Variants in COL23A1 observed in about 807,000 individuals in gnomAD.
The protein encoded by COL23A1 is collagen alpha-1(XXIII) chain.
A neutral mutation model predicts 99.3 loss-of-function variants in COL23A1; 97 were observed. That is an observed-to-expected ratio of 0.98 (90% CI 0.83 to 1.16). The LOEUF (loss-of-function observed/expected upper bound fraction) is 1.16. COL23A1 is among the 50% of genes most tolerant of loss of function. The probability of loss-of-function intolerance (pLI) is 0.00; values close to 1 mark genes in which losing one functional copy is unlikely to be tolerated. For missense variants in COL23A1, 762 were observed against 757.4 expected, an observed-to-expected ratio of 1.01 and a Z score of -0.07; for synonymous variants, 320 against 308.2, an observed-to-expected ratio of 1.04 and a Z score of -0.40.
rs1254697068 is a variant in COL23A1 at position 178,546,176 on chromosome 5, AG to A, written c.361+14505del. Among the ~76,000 whole-genome samples, 3 of 152,230 alleles carry A rather than the reference AG, an allele frequency of 2.0e-5. No individual in the cohort carries two copies. In the East Asian group the frequency reaches 5.8e-4, roughly 30 times the overall value. ...ACTCTATCTCCCCTCCACCTCAAAC[AG>A]AGCCATGCACACATGAAATATGGGG... On this transcript the variant is annotated intron_variant, in intron 2 of 28. Coordinates refer to ENST00000390654, the MANE Select transcript of COL23A1 (RefSeq NM_173465.4).
intron 1 of COL23A1, among the ~76,000 whole-genome samples, chr5:178,572,730 C>T (rs1285038317): frequency 1.3e-5 from 2 of 152,184 alleles, no homozygotes; most frequent in Non-Finnish European, 2.9e-5. Context: ...CACGTGAATA[C>T]CCATAGCAGC....
chr5:178,521,279 C>A (rs557448928), intron 2 of COL23A1, among the ~76,000 whole-genome samples: 1 of 152,150 alleles, frequency 6.6e-6, no homozygotes, highest in East Asian at 1.9e-4. Context: ...GCTGGCCGGG[C>A]GCGGTGGCTC....
chr5:178,268,954 T>G (rs1378267777), intron 6 of COL23A1, among the ~76,000 whole-genome samples, 198 bp from the exon 7 acceptor site: 1 of 152,092 alleles, frequency 6.6e-6, no homozygotes, highest in African/African-American at 2.4e-5. Context: ...GTCCTCAGCA[T>G]GAGGGATACG....
intron 1 of COL23A1, among the ~76,000 whole-genome samples, chr5:178,588,973 G>C (rs1001125706): frequency 2.0e-5 from 3 of 152,170 alleles, no homozygotes; most frequent in African/African-American, 7.2e-5. Context: ...AGGAAGGCTC[G>C]GCAGGGGAGG....
intron 2 of COL23A1, among the ~76,000 whole-genome samples, chr5:178,467,996 A>T (rs1285414957): frequency 6.6e-6 from 1 of 152,132 alleles, no homozygotes; most frequent in Non-Finnish European, 1.5e-5. Flanking sequence ...AAGGAACTGG[A>T]AGGCGGCGAT....
At chr5:178,543,539 T>C (rs1344002078) in intron 2 of COL23A1, among the ~76,000 whole-genome samples, 1 of 152,184 alleles carries the variant, frequency 6.6e-6, no homozygotes, top group Non-Finnish European at 1.5e-5. Flanking sequence ...CCACTCCTAA[T>C]AGTCCTAAAC....
chr5:178,536,629 C>T (rs908826141), intron 2 of COL23A1, among the ~76,000 whole-genome samples: 4 of 152,220 alleles, frequency 2.6e-5, no homozygotes, highest in African/African-American at 9.6e-5. Context: ...AGGCCCACAG[C>T]ACTGAGTCCC....
At chr5:178,293,389 G>A (rs1004297787) in intron 3 of COL23A1, among the ~76,000 whole-genome samples, 1 of 152,162 alleles carries the variant, frequency 6.6e-6, no homozygotes, top group Non-Finnish European at 1.5e-5. Flanking sequence ...ATGGAGGTGG[G>A]AGTTCGGGCA....
intron 3 of COL23A1, among the ~76,000 whole-genome samples, chr5:178,305,362 AAG>A (rs780162420): frequency 6.6e-6 from 1 of 151,508 alleles, no homozygotes; most frequent in African/African-American, 2.4e-5. Flanking sequence ...CTCCAGGGAG[AAG>A]AGTCTGAGGC....
At chr5:178,462,243 C>G (rs540278768) in intron 2 of COL23A1, among the ~76,000 whole-genome samples, 44 of 152,280 alleles carry the variant, frequency 2.9e-4, no homozygotes, top group African/African-American at 1.0e-3. Context: ...AGGTTCCCCC[C>G]CACCCAGCAA....
chr5:178,472,807 C>T (rs1756826902), intron 2 of COL23A1, among the ~76,000 whole-genome samples: 2 of 152,064 alleles, frequency 1.3e-5, no homozygotes, highest in Admixed American at 1.3e-4. Context: ...CGGTCTCAAC[C>T]AACCGCAGAT....
rs1561791866 is a variant in COL23A1, at chr5:178,252,574, G to C, written c.984C>G (p.Pro328=). Residue 328 remains proline, a synonymous_variant, in exon 17 of 29, where the codon CCC becomes CCG. Transcript: ENST00000390654. The stretch of plus-strand genomic sequence containing the variant: ...CTCCAGGGATCCCTGGTGGCCCTGG[G>C]GGCCCCTGTGGTCCGGGAGGCCCCT... ...ALKGPPGPQG[P]PGPPGIPGAK... The C allele has an allele frequency of 6.2e-7, 1 of 1,611,572 alleles. No individual in the cohort carries two copies. Among genetic ancestry groups the C allele is most frequent in the African/African-American group, 1.3e-5 (1 of 75,020 alleles).
intron 2 of COL23A1, among the ~76,000 whole-genome samples, chr5:178,429,522 C>G (rs1766139568): frequency 6.6e-6 from 1 of 152,224 alleles, no homozygotes; most frequent in Non-Finnish European, 1.5e-5. Flanking sequence ...CTTACTTTAG[C>G]TTGTGTAAAC....
In COL23A1 at chr5:178,415,626, C is replaced by G. The variant is rs1196052682; in HGVS notation, c.362-108707G>C. ...GAGGACAGTGCTGCCCCCATCCCGC[C>G]CTGGCTCCATGAGGGCAAGGGGACT... is the stretch of plus-strand genomic sequence containing the variant. On this transcript the variant is annotated intron_variant, in intron 2 of 28. Transcript: ENST00000390654. The surrounding 1 kb of genome is among the most constrained non-coding windows in gnomAD (Gnocchi z 4.6). Among the ~76,000 whole-genome samples the G allele has an allele frequency of 6.6e-6, 1 of 152,192 alleles. No individual in the cohort carries two copies. The highest frequency in any genetic ancestry group is 1.5e-5 in the Non-Finnish European group (1 of 68,034).
chr5:178,264,964 C>A (rs1484257879), intron 8 of COL23A1, among the ~76,000 whole-genome samples: 1 of 152,128 alleles, frequency 6.6e-6, no homozygotes, highest in Non-Finnish European at 1.5e-5. Flanking sequence ...TCTTATTCAA[C>A]CTTTGTGATG....
At chr5:178,334,978 G>C (rs372332037) in intron 2 of COL23A1, among the ~76,000 whole-genome samples, 2 of 152,322 alleles carry the variant, frequency 1.3e-5, no homozygotes, top group South Asian at 2.1e-4. Context: ...AGCACGTTCC[G>C]ACATTCTGTT....
chr5:178,249,464 A>C (rs894403587), intron 18 of COL23A1, among the ~76,000 whole-genome samples: 1 of 152,184 alleles, frequency 6.6e-6, no homozygotes, highest in Admixed American at 6.5e-5. Context: ...GTGAGCCTGG[A>C]GCTGCCCCTC....
At chr5:178,276,321 G>A (rs1042322200) in intron 5 of COL23A1, among the ~76,000 whole-genome samples, 2 of 152,174 alleles carry the variant, frequency 1.3e-5, no homozygotes, top group Admixed American at 6.5e-5. Flanking sequence ...CGCTCAAATC[G>A]GCCAGAGCTG....
chr5:178,343,501 T>A (rs1483971420), intron 2 of COL23A1, among the ~76,000 whole-genome samples: 2 of 152,172 alleles, frequency 1.3e-5, no homozygotes, highest in African/African-American at 4.8e-5. Context: ...ACAGGCTTTT[T>A]AGAAGAAAGA....
Sources: allele counts gnomAD v4.1 joint callset (sites outside exome capture counted in the v4.1 genomes callset), GRCh38; gene constraint gnomAD v4.1.1; non-coding constraint Gnocchi (gnomAD v3.1); transcripts MANE v1.5; gene names NCBI Gene and HGNC (gene_info 2026-07-23, HGNC 2026-07-21).